TUSC3: variants seen among roughly 807,000 people sequenced by gnomAD.
The protein encoded by TUSC3 is dolichyl-diphosphooligosaccharide--protein glycosyltransferase subunit TUSC3.
In TUSC3, 45 loss-of-function variants were observed where a neutral mutation model predicts 44.8. The ratio of observed to expected loss-of-function variants is 1.00; its 90% CI spans 0.79 to 1.29. The LOEUF (loss-of-function observed/expected upper bound fraction) is 1.29. Ranked by LOEUF, TUSC3 falls within the 50% of genes most tolerant of loss-of-function variation. The probability of loss-of-function intolerance (pLI) is 0.00; values close to 1 mark genes in which losing one functional copy is unlikely to be tolerated. For missense variants in TUSC3, 519 were observed against 437.9 expected (o/e 1.19, Z -1.65); for synonymous variants, 212 against 152.9 (o/e 1.39, Z -2.85).
At chr8:15,636,810 C>T (rs972358806) in intron 2 of TUSC3, among the ~76,000 whole-genome samples, 2 of 152,156 alleles carry the variant, frequency 1.3e-5, no homozygotes, top group African/African-American at 4.8e-5. Flanking sequence ...GGTGTTGGGC[C>T]TCCTTTTTGG....
chr8:15,662,323 A>G lies in TUSC3; in HGVS notation c.708+27A>G, dbSNP rs373334356. ...TATGTTAATACATTGTGCTTTTTTT[A>G]TTTCCTGTTCTTTGTGTAATAATAT... On this transcript the variant is annotated intron_variant, in intron 5 of 10. Transcript: ENST00000503731. The G allele has an allele frequency of 1.7e-5, 28 of 1,611,628 alleles. No individual in the cohort carries two copies. The Admixed American group carries it at 3.3e-4, about 19-fold the overall frequency.
chr8:15,628,654 T>A (rs1243088588), intron 2 of TUSC3, among the ~76,000 whole-genome samples: 1 of 152,166 alleles, frequency 6.6e-6, no homozygotes, highest in African/African-American at 2.4e-5. Flanking sequence ...GTAGCTTTTG[T>A]ATTTTATTCA....
intron 1 of TUSC3, among the ~76,000 whole-genome samples, chr8:15,462,653 A>T (rs1196107968): frequency 6.6e-6 from 1 of 152,108 alleles, no homozygotes. Flanking sequence ...ACATGGCAAA[A>T]AGTTGGTTCG....
chr8:15,578,925 A>G (rs375209117), intron 1 of TUSC3, among the ~76,000 whole-genome samples: 7 of 152,106 alleles, frequency 4.6e-5, no homozygotes, highest in African/African-American at 7.2e-5. Flanking sequence ...GGTAGAATTC[A>G]GCTGTGAATC....
upstream of TUSC3, among the ~76,000 whole-genome samples, chr8:15,539,345 CTTTTTT>C (rs35685582): frequency 7.5e-4 from 52 of 69,400 alleles, 1 homozygote; most frequent in Middle Eastern, 0.015. Context: ...TGCTATGGTT[CTTTTTT>C]TTTTTTTTTT....
At chr8:15,670,433 C>T (rs936376196) in intron 5 of TUSC3, among the ~76,000 whole-genome samples, 1 of 151,816 alleles carries the variant, frequency 6.6e-6, no homozygotes, top group Non-Finnish European at 1.5e-5. Flanking sequence ...AGTGGCCTTG[C>T]AGTGCAGTGA....
intron 1 of TUSC3, among the ~76,000 whole-genome samples, chr8:15,570,006 C>T (rs998062537): frequency 6.6e-6 from 1 of 151,898 alleles, no homozygotes; most frequent in African/African-American, 2.4e-5. Context: ...TATTTGTATC[C>T]ATTATAAATA....
chr8:15,631,685 TG>T (rs1805771771), intron 2 of TUSC3, among the ~76,000 whole-genome samples: 1 of 151,308 alleles, frequency 6.6e-6, no homozygotes, highest in African/African-American at 2.4e-5. Flanking sequence ...TGTGTGTGTG[TG>T]TGTGTGTGTG....
chr8:15,696,111 A>G (rs1166129566), intron 6 of TUSC3, among the ~76,000 whole-genome samples: 1 of 152,204 alleles, frequency 6.6e-6, no homozygotes, highest in Non-Finnish European at 1.5e-5. Flanking sequence ...GTCTCCAGGG[A>G]ATGTTAAAGG....
At chr8:15,692,370 C>G (rs867814610) in intron 6 of TUSC3, among the ~76,000 whole-genome samples, 8,610 of 39,046 alleles carry the variant, frequency 0.22, 488 homozygotes, top group East Asian at 0.39. Context: ...CCCCCCCCCC[C>G]CTTTGTTTTT....
chr8:15,642,363 A>G (rs1369225573), intron 2 of TUSC3, among the ~76,000 whole-genome samples: 1 of 152,208 alleles, frequency 6.6e-6, no homozygotes, highest in Non-Finnish European at 1.5e-5. Flanking sequence ...TCTATTAAAA[A>G]TAAGTTTGAT....
At chr8:15,823,914 G>A in the TUSC3 span, among the ~76,000 whole-genome samples, 1 of 152,192 alleles carries the variant, frequency 6.6e-6, no homozygotes, top group Non-Finnish European at 1.5e-5. Context: ...CTAACGGATA[G>A]TATGATCTGA....
chr8:15,744,765 T>C (rs1335105466), intron 8 of TUSC3, among the ~76,000 whole-genome samples: 4 of 152,164 alleles, frequency 2.6e-5, no homozygotes, highest in Non-Finnish European at 4.4e-5. Context: ...CACCATGTCC[T>C]TAGGATTGAC....
chr8:15,591,955 T>C (rs986098247), intron 1 of TUSC3, among the ~76,000 whole-genome samples: 2 of 152,274 alleles, frequency 1.3e-5, no homozygotes, highest in Middle Eastern at 6.8e-3. Context: ...AGAGGAAGAA[T>C]GGGAGAAAAC....
intron 2 of TUSC3, among the ~76,000 whole-genome samples, chr8:15,519,803 G>A (rs1350817802): frequency 6.6e-6 from 1 of 152,106 alleles, no homozygotes; most frequent in Non-Finnish European, 1.5e-5. Flanking sequence ...ACTATCAAAG[G>A]CAACTAGGTG....
intron 8 of TUSC3, 69 bp downstream of exon 8, chr8:15,743,681 A>G: frequency 3.9e-6 from 6 of 1,522,092 alleles, no homozygotes; most frequent in Non-Finnish European, 5.5e-6. Flanking sequence ...CAAATGGGAA[A>G]TACATAAAAG....
intron 1 of TUSC3, among the ~76,000 whole-genome samples, chr8:15,421,586 G>A (rs1799738276): frequency 6.6e-6 from 1 of 152,076 alleles, no homozygotes; most frequent in South Asian, 2.1e-4. Context: ...TTAGTTATTT[G>A]TTATTGTCTC....
intron 6 of TUSC3, among the ~76,000 whole-genome samples, chr8:15,723,385 T>C (rs117926528): frequency 2.0e-3 from 302 of 152,300 alleles, no homozygotes; most frequent in Non-Finnish European, 3.1e-3. Context: ...AACTGTTTTA[T>C]TTCTCTGTTG....
chr8:15,656,737 A>T (rs1365721545), intron 3 of TUSC3, among the ~76,000 whole-genome samples: 1 of 152,204 alleles, frequency 6.6e-6, no homozygotes, highest in Non-Finnish European at 1.5e-5. Flanking sequence ...CTGTAGATCC[A>T]CTAAGGGGGA....
Sources: allele counts gnomAD v4.1 joint callset (sites outside exome capture counted in the v4.1 genomes callset), GRCh38; gene constraint gnomAD v4.1.1; transcripts MANE v1.5; gene names NCBI Gene and HGNC (gene_info 2026-07-23, HGNC 2026-07-21).